ANO2: variants seen among roughly 807,000 people sequenced by gnomAD.
The protein encoded by ANO2 is anoctamin 2.
ANO2 carries 101 observed loss-of-function variants against 124.2 expected under a neutral mutation model. The ratio of observed to expected loss-of-function variants is 0.81; its 90% CI spans 0.69 to 0.96. ANO2 has a LOEUF of 0.96. Ranked by LOEUF, ANO2 falls within the 40% of genes least tolerant of loss-of-function variation. The pLI, the probability that ANO2 is intolerant of heterozygous loss-of-function variation, is 0.00. For synonymous variants in ANO2, 486 were observed against 482.5 expected (o/e 1.01, Z -0.09); for missense variants, 1,293 against 1,274.5 (o/e 1.01, Z -0.22).
intron 3 of ANO2, among the ~76,000 whole-genome samples, chr12:5,892,151 G>T (rs1219427065): frequency 6.7e-6 from 1 of 149,238 alleles, no homozygotes; most frequent in Non-Finnish European, 1.5e-5. Flanking sequence ...AAAACTCACT[G>T]AATGAACTCA....
intron 10 of ANO2, among the ~76,000 whole-genome samples, chr12:5,791,799 A>G (rs933459159): frequency 6.6e-6 from 1 of 152,220 alleles, no homozygotes; most frequent in African/African-American, 2.4e-5. Flanking sequence ...ATTGATTTAC[A>G]GTAATACAAT....
intron 1 of ANO2, among the ~76,000 whole-genome samples, chr12:5,942,096 G>A (rs1337378763): frequency 1.3e-5 from 2 of 152,154 alleles, no homozygotes; most frequent in Non-Finnish European, 1.5e-5. Flanking sequence ...ATGGAGTGCC[G>A]CGTATCCCTT....
intron 4 of ANO2, among the ~76,000 whole-genome samples, chr12:5,841,575 C>T (rs1389437606): frequency 1.3e-5 from 2 of 152,224 alleles, no homozygotes; most frequent in African/African-American, 4.8e-5. Context: ...CTGCCTCCCT[C>T]GGCAGCCTCA....
At chr12:5,588,031 T>G (rs1007177802) in intron 20 of ANO2, among the ~76,000 whole-genome samples, 1 of 152,194 alleles carries the variant, frequency 6.6e-6, no homozygotes, top group African/African-American at 2.4e-5. Flanking sequence ...GCATGGGTGG[T>G]CCTGGGGATC....
At chr12:5,860,937 AGGCTTC>A (rs1955249095) in intron 3 of ANO2, among the ~76,000 whole-genome samples, 1 of 152,178 alleles carries the variant, frequency 6.6e-6, no homozygotes, top group South Asian at 2.1e-4. Context: ...AAAATAGACA[AGGCTTC>A]AAATGTCAGT....
chr12:5,582,778 C>A (rs1942821712), intron 20 of ANO2, among the ~76,000 whole-genome samples: 1 of 152,194 alleles, frequency 6.6e-6, no homozygotes, highest in Non-Finnish European at 1.5e-5. Context: ...CATTTCTGAG[C>A]CTTGGTACAT....
chr12:5,732,077 C>G (rs559353337), intron 14 of ANO2, among the ~76,000 whole-genome samples: 4 of 152,098 alleles, frequency 2.6e-5, no homozygotes, highest in African/African-American at 9.7e-5. Context: ...TTTTCATGAG[C>G]CTTCATTTAC....
chr12:5,936,331 A>G (rs1942652801), intron 1 of ANO2, among the ~76,000 whole-genome samples: 1 of 152,146 alleles, frequency 6.6e-6, no homozygotes, highest in Non-Finnish European at 1.5e-5. Flanking sequence ...CTCTTCCAAA[A>G]TTCATATTGA....
chr12:5,762,703 T>C (rs1951775030), intron 10 of ANO2, among the ~76,000 whole-genome samples: 1 of 151,922 alleles, frequency 6.6e-6, no homozygotes, highest in Non-Finnish European at 1.5e-5. Context: ...AAACTGACTA[T>C]AATTGAATGA....
intron 14 of ANO2, among the ~76,000 whole-genome samples, chr12:5,726,093 T>C (rs1950426988): frequency 2.0e-5 from 3 of 150,896 alleles, no homozygotes; most frequent in Non-Finnish European, 4.4e-5. Flanking sequence ...CCTCCAAACG[T>C]GTCCGGGATA....
chr12:5,701,403 C>G (rs953697408), intron 14 of ANO2, among the ~76,000 whole-genome samples: 1 of 152,116 alleles, frequency 6.6e-6, no homozygotes, highest in Non-Finnish European at 1.5e-5. Context: ...AAATTTACCC[C>G]ATTTTATCCA....
chr12:5,877,854 G>A (rs1278781347), intron 3 of ANO2, among the ~76,000 whole-genome samples: 1 of 152,214 alleles, frequency 6.6e-6, no homozygotes, highest in African/African-American at 2.4e-5. Context: ...ACCCTCCTAT[G>A]AGAATCGAAT....
At chr12:5,625,609 C>G (rs138577053) in intron 16 of ANO2, among the ~76,000 whole-genome samples, 5 of 152,090 alleles carry the variant, frequency 3.3e-5, no homozygotes, top group Admixed American at 2.6e-4. Context: ...CTCCCCAAAA[C>G]CCAAAACCCC....
intron 16 of ANO2, among the ~76,000 whole-genome samples, chr12:5,628,952 G>C (rs1185172748): frequency 1.3e-5 from 2 of 152,152 alleles, no homozygotes; most frequent in Non-Finnish European, 2.9e-5. Flanking sequence ...TGGAACTCAC[G>C]GCCTTTCCCC....
Position 5,628,766 on chromosome 12 carries a change from G to A in ANO2, c.1816+6386C>T, listed in dbSNP as rs55905898. On this transcript the variant is annotated intron_variant, in intron 16 of 24. Transcript: ENST00000682330. ...TGCATGTGTGTGAGATATAGGGTAA[G>A]CAGGGTGTGCATCAATGCACACTCA... Among the ~76,000 whole-genome samples the A allele has an allele frequency of 4.8e-3, 726 of 152,310 alleles. 4 individuals are homozygous for A. Among genetic ancestry groups the A allele is most frequent in the Non-Finnish European group, 7.5e-3 (508 of 68,020 alleles).
At chr12:5,797,990 C>CA (rs1952918249) in intron 10 of ANO2, among the ~76,000 whole-genome samples, 1 of 152,220 alleles carries the variant, frequency 6.6e-6, no homozygotes, top group African/African-American at 2.4e-5. Context: ...ACTTAGCTGG[C>CA]AGCGAGTCAC....
At chr12:5,831,342 C>T (rs1464105563) in intron 5 of ANO2, among the ~76,000 whole-genome samples, 2 of 152,198 alleles carry the variant, frequency 1.3e-5, no homozygotes, top group African/African-American at 2.4e-5. Context: ...GTTGATGAAC[C>T]AGTCTTGAAG....
chr12:5,823,717 G>C (rs767318919), intron 7 of ANO2, among the ~76,000 whole-genome samples: 1 of 152,224 alleles, frequency 6.6e-6, no homozygotes, highest in African/African-American at 2.4e-5. Flanking sequence ...CCACTAGGCA[G>C]TGCCCCAGTA....
intron 10 of ANO2, 99 bp from the exon 11 acceptor site, chr12:5,751,069 A>G (rs1289222944): frequency 1.7e-6 from 2 of 1,204,276 alleles, no homozygotes; most frequent in Non-Finnish European, 2.3e-6. Flanking sequence ...CAACATAGAT[A>G]TTCATTCCTC....
Sources: gnomAD v4.1 joint callset for allele counts (sites outside exome capture counted in the v4.1 genomes callset) on GRCh38, gnomAD v4.1.1 for gene constraint, MANE v1.5 for transcripts, NCBI Gene and HGNC (gene_info 2026-07-23, HGNC 2026-07-21) for gene names.